SLC22A2: variants seen among roughly 807,000 people sequenced by gnomAD.
SLC22A2 encodes the protein organic cation transporter 2.
Under a neutral mutation model 60.5 loss-of-function variants are expected in SLC22A2, and 46 were observed. The observed-to-expected ratio is 0.76, with a 90% CI of 0.60 to 0.97. The LOEUF is 0.97. Ranked by LOEUF, SLC22A2 falls within the 50% of genes least tolerant of loss-of-function variation. The probability of loss-of-function intolerance (pLI) is 0.00; values close to 1 mark genes in which losing one functional copy is unlikely to be tolerated. For synonymous variants in SLC22A2, 303 were observed against 267.0 expected (o/e 1.13, Z -1.31); for missense variants, 701 against 706.6 (o/e 0.99, Z 0.09).
chr6:160,241,072 C>T (rs1053684247), intron 9 of SLC22A2, among the ~76,000 whole-genome samples: 1 of 152,022 alleles, frequency 6.6e-6, no homozygotes, highest in Non-Finnish European at 1.5e-5. Context: ...TGTTTTACCA[C>T]CTCTGGGCAT....
chr6:160,227,960 C>T (rs899370376), intron 9 of SLC22A2, among the ~76,000 whole-genome samples: 1 of 152,190 alleles, frequency 6.6e-6, no homozygotes, highest in South Asian at 2.1e-4. Flanking sequence ...AGGAAGTTAC[C>T]CTATATGGTC....
At chr6:160,256,881 C>A (rs921424913) in intron 1 of SLC22A2, among the ~76,000 whole-genome samples, 164 bp from the exon 2 acceptor site, 20 of 146,090 alleles carry the variant, frequency 1.4e-4, no homozygotes, top group Non-Finnish European at 2.8e-4. Flanking sequence ...TGCCAATTTT[C>A]TTCTTCTTCT....
intron 9 of SLC22A2, among the ~76,000 whole-genome samples, chr6:160,231,775 T>TC (rs1782828406): frequency 6.6e-6 from 1 of 151,796 alleles, no homozygotes; most frequent in South Asian, 2.1e-4. Context: ...CTAAATCCTT[T>TC]CCCCACTCCC....
In SLC22A2 at chr6:160,218,897, G is replaced by T. The variant is rs970257564; in HGVS notation, c.1602-1399C>A. Among the ~76,000 whole-genome samples the T allele has an allele frequency of 5.3e-3, 8 of 1,518 alleles. No individual in the cohort carries two copies. In the South Asian group the frequency reaches 0.16, roughly 30 times the overall value. The allele number at this position is 1,518 out of a possible 152,430, so 1.0% of individuals were successfully genotyped here. On this transcript the variant is annotated intron_variant, in intron 10 of 10. Transcript: ENST00000366953. Reference sequence around the variant, plus strand: ...AGCAAAATCAGCAGTAGCAACAACAGAAGTCGCAGCAATAACAGCAGCAGC... The same window carrying T: ...AGCAAAATCAGCAGTAGCAACAACATAAGTCGCAGCAATAACAGCAGCAGC...
chr6:160,235,027 C>T (rs1221869047), intron 9 of SLC22A2, among the ~76,000 whole-genome samples: 1 of 152,132 alleles, frequency 6.6e-6, no homozygotes, highest in Non-Finnish European at 1.5e-5. Context: ...GATTTGAGTG[C>T]TATGGTTAAA....
intron 9 of SLC22A2, among the ~76,000 whole-genome samples, chr6:160,239,763 C>G (rs996330680): frequency 6.6e-5 from 10 of 152,176 alleles, no homozygotes; most frequent in African/African-American, 2.4e-4. Flanking sequence ...TACTCTGTGG[C>G]CAAGTTATCT....
chr6:160,247,259 A>G lies in SLC22A2; in HGVS notation c.882T>C (p.Asn294=), dbSNP rs761361892. The G allele has an allele frequency of 6.2e-7, 1 of 1,613,584 alleles. No individual in the cohort carries two copies. The change falls in exon 5 of 11, where the codon AAT becomes AAC. Residue 294 remains asparagine, a synonymous_variant. Coordinates refer to ENST00000366953, the MANE Select transcript of SLC22A2 (RefSeq NM_003058.4). ...PESPRWLISQ[N]KNAEAMRIIK... ...TGATTCTCATGGCTTCAGCATTCTT[A>G]TTCTGGGAGATCAGCCACCTGGGAG...
In SLC22A2 at chr6:160,250,702, C is replaced by A. The variant is rs774699421; in HGVS notation, c.519G>T (p.Arg173Ser). 1.2e-6 allele frequency: 2 copies of A among 1,613,040 alleles called. No homozygotes were observed. Among genetic ancestry groups the A allele is most frequent in the East Asian group, 2.2e-5 (1 of 44,874 alleles). Residue 173 changes from arginine to serine, a missense_variant and splice_region_variant, in exon 3 of 11, where the codon AGG becomes AGT. Transcript: ENST00000366953. ...TTAGGAGGCAGAGCTTACGGCCAAACCTGCAGGAAGAAAAACAAAGAGAGG... is the reference window on the plus strand; with the variant it reads ...TTAGGAGGCAGAGCTTACGGCCAAAACTGCAGGAAGAAAAACAAAGAGAGG... ...GSMSIGYIAD[R>S]FGRKLCLLTT...
intron 2 of SLC22A2, among the ~76,000 whole-genome samples, chr6:160,256,249 C>T (rs1783270049): frequency 6.6e-6 from 1 of 151,876 alleles, no homozygotes; most frequent in Non-Finnish European, 1.5e-5. Context: ...AGCTCAGAGG[C>T]CCTGAAGGCT....
chr6:160,227,822 C>T (rs189507092), intron 9 of SLC22A2, among the ~76,000 whole-genome samples: 1 of 152,270 alleles, frequency 6.6e-6, no homozygotes, highest in Non-Finnish European at 1.5e-5. Context: ...CCTTGCTGGT[C>T]AAACAGGCTG....
At chr6:160,245,694 A>AT (rs11422120) in intron 5 of SLC22A2, 149 bp from the exon 6 acceptor site, 76,530 of 163,660 alleles carry the variant, frequency 0.47, 18,902 homozygotes, top group Admixed American at 0.64. Flanking sequence ...GTCCCATTTC[A>AT]TTTTTTTTTT....
At chr6:160,218,001 C>T (rs536557081) in intron 10 of SLC22A2, 46 of 159,712 alleles carry the variant, frequency 2.9e-4, no homozygotes, top group African/African-American at 4.1e-4. Flanking sequence ...TGATATTCAT[C>T]GTAGAAATGC....
In SLC22A2 at chr6:160,232,198, C is replaced by T. The variant is rs924361928; in HGVS notation, c.1502-7394G>A. Among the ~76,000 whole-genome samples, 52 of 151,950 alleles carry T rather than the reference C, an allele frequency of 3.4e-4. 1 individual carries two copies. The highest frequency in any genetic ancestry group is 1.2e-3 in the African/African-American group (50 of 41,246). ...GCCTCCCACATTATTCCTGATACCA[C>T]ACCTGACCCCCATGACTGTATCTCT... On this transcript the variant is annotated intron_variant, in intron 9 of 10. Coordinates refer to ENST00000366953, the MANE Select transcript of SLC22A2 (RefSeq NM_003058.4).
chr6:160,225,527 G>C (rs969490089), intron 9 of SLC22A2, among the ~76,000 whole-genome samples: 2 of 152,120 alleles, frequency 1.3e-5, no homozygotes, highest in African/African-American at 2.4e-5. Context: ...ATTAGAAGCT[G>C]CAGGGCACAG....
At chr6:160,223,199 G>A (rs192036181) in intron 10 of SLC22A2, among the ~76,000 whole-genome samples, 7 of 152,326 alleles carry the variant, frequency 4.6e-5, no homozygotes, top group African/African-American at 1.4e-4. Flanking sequence ...AACTTGTGGG[G>A]AGAGTGTCAG....
chr6:160,219,446 C>T (rs909839249), intron 10 of SLC22A2, among the ~76,000 whole-genome samples: 4 of 132,446 alleles, frequency 3.0e-5, no homozygotes, highest in East Asian at 2.5e-4. Flanking sequence ...AGCACTGCGA[C>T]GGGTGCTTCG....
In SLC22A2 at chr6:160,243,756, G is replaced by A; in HGVS notation, c.1095C>T (p.Leu365=). The change falls in exon 7 of 11, where the codon CTC becomes CTT. Residue 365 remains leucine (L), a synonymous_variant. Coordinates refer to ENST00000366953, the MANE Select transcript of SLC22A2 (RefSeq NM_003058.4). ...CACCTGCAAGGCCCATGTGCATGAT[G>A]AGGCCCTGGTAGAGCACAGAGCTCG... ...WFTSSVLYQG[L]IMHMGLAGDN... 6.2e-7 allele frequency: 1 copy of A among 1,613,880 alleles called. No homozygotes were observed. Among genetic ancestry groups the A allele is most frequent in the Non-Finnish European group, 8.5e-7 (1 of 1,179,928 alleles).
rs1028988213 is a variant in SLC22A2 at position 160,258,815 on chromosome 6, C to A, written c.-58G>T. 3 of 1,470,248 alleles carry A rather than the reference C, an allele frequency of 2.0e-6. No homozygotes were observed. Among genetic ancestry groups the A allele is most frequent in the Non-Finnish European group, 1.8e-6 (2 of 1,105,254 alleles). 91.1% of individuals were successfully genotyped at this position (1,470,248 alleles called of 1,614,324 possible). A position where few individuals can be genotyped will look rare whatever the true frequency, so the allele number is the denominator to read the frequency against. On this transcript the variant is annotated 5_prime_UTR_variant, in exon 1 of 11. Transcript: ENST00000366953. ...GACGTGCCCGGAGCGAGGCTGAGAG[C>A]GGCTGCAGCCAGCTCAGCACAAACC...
intron 3 of SLC22A2, among the ~76,000 whole-genome samples, chr6:160,250,061 A>G (rs1470448060): frequency 1.3e-5 from 2 of 152,248 alleles, no homozygotes; most frequent in African/African-American, 4.8e-5. Flanking sequence ...TGTAAGTTAT[A>G]TTCCTCGTCC....
Sources: gnomAD v4.1 joint callset for allele counts (sites outside exome capture counted in the v4.1 genomes callset) on GRCh38, gnomAD v4.1.1 for gene constraint, MANE v1.5 for transcripts, NCBI Gene and HGNC (gene_info 2026-07-23, HGNC 2026-07-21) for gene names.